PLAAT1: variants seen among roughly 807,000 people sequenced by gnomAD.
PLAAT1 encodes H-REV107 protein-related protein.
Under a neutral mutation model 16.4 loss-of-function variants are expected in PLAAT1, and 13 were observed. The observed-to-expected ratio is 0.79, with a 90% confidence interval of 0.52 to 1.26. The LOEUF (loss-of-function observed/expected upper bound fraction) is 1.26. PLAAT1 is among the 50% of genes most tolerant of loss of function. The probability of loss-of-function intolerance (pLI) is 0.00; values close to 1 mark genes in which losing one functional copy is unlikely to be tolerated. For synonymous variants in PLAAT1, 73 were observed against 78.4 expected (o/e 0.93, Z 0.36); for missense variants, 218 against 207.8 (o/e 1.05, Z -0.30).
chr3:193,262,902 C>T, intron 2 of PLAAT1, 68 bp from the exon 3 acceptor site: 1 of 1,508,668 alleles, frequency 6.6e-7, no homozygotes, highest in East Asian at 2.3e-5. Flanking sequence ...TTTCCAAAGT[C>T]TTTAGATGGC....
chr3:193,263,212 T>C lies in PLAAT1; in HGVS notation c.382T>C (p.Tyr128His), dbSNP rs1268352754. 2 of 1,614,006 alleles carry C rather than the reference T, an allele frequency of 1.2e-6. No individual in the cohort carries two copies. Among genetic ancestry groups the C allele is most frequent in the Non-Finnish European group, 1.7e-6 (2 of 1,179,956 alleles). Residue 128 changes from tyrosine to histidine, a missense_variant, in exon 3 of 4, where the codon TAT becomes CAT. Tyr to His is a moderately conservative substitution (Grantham distance 83). Coordinates refer to ENST00000264735, the MANE Select transcript of PLAAT1 (RefSeq NM_020386.5). Reference protein sequence around the residue: ...NCEHFVTLLRYGEGVSEQANR... With the variant: ...NCEHFVTLLRHGEGVSEQANR... ...TGAACATTTTGTGACATTGCTTCGC[T>C]ATGGAGAAGGAGTTTCAGAGCAGGT... is the stretch of plus-strand genomic sequence containing the variant.
At chr3:193,253,678 A>G (rs1716274738) in intron 1 of PLAAT1, among the ~76,000 whole-genome samples, 1 of 152,148 alleles carries the variant, frequency 6.6e-6, no homozygotes, top group South Asian at 2.1e-4. Flanking sequence ...ACTAACAAGT[A>G]TCAAGTAGAA....
intron 1 of PLAAT1, among the ~76,000 whole-genome samples, chr3:193,253,687 A>C (rs766566988): frequency 3.8e-4 from 58 of 152,104 alleles, no homozygotes; most frequent in Non-Finnish European, 5.9e-4. Context: ...TATCAAGTAG[A>C]AGACTAAGAG....
At chr3:193,275,172 G>T (rs755766325), downstream of PLAAT1, 1 of 1,614,120 alleles carries the variant, frequency 6.2e-7, no homozygotes, top group South Asian at 1.1e-5. Flanking sequence ...TGAATAATCT[G>T]TCCTGTTTAT....
downstream of PLAAT1, among the ~76,000 whole-genome samples, chr3:193,280,007 C>G (rs1281259692): frequency 1.0e-5 from 1 of 96,842 alleles, no homozygotes; most frequent in African/African-American, 4.1e-5. Context: ...AAAAAAAGCC[C>G]TGTGTACCTG....
chr3:193,248,670 T>A (rs1273265886), intron 1 of PLAAT1, among the ~76,000 whole-genome samples: 1 of 152,144 alleles, frequency 6.6e-6, no homozygotes, highest in Non-Finnish European at 1.5e-5. Context: ...TTACTTCACT[T>A]TGATCACTTG....
chr3:193,240,978 G>A (rs901358895), upstream of PLAAT1: 2 of 348,566 alleles, frequency 5.7e-6, no homozygotes, highest in African/African-American at 2.1e-5. Context: ...AACGTTGGCT[G>A]CGGGAACGTC....
At position 193,241,237 on chromosome 3, in the gene PLAAT1, C is replaced by G. The variant is rs1028846733; in HGVS notation, c.-297C>G. The stretch of plus-strand genomic sequence containing the variant: ...GCTCCCCATGGTCAGAGCCTCGTGC[C>G]GGCTCGGCAGCGCCCGGACGCCGAG... On this transcript the variant is annotated 5_prime_UTR_variant, in exon 1 of 4. Coordinates refer to ENST00000264735, the MANE Select transcript of PLAAT1 (RefSeq NM_020386.5). 1.4e-5 allele frequency: 17 copies of G among 1,225,358 alleles called. No homozygotes were observed. In the South Asian group the frequency reaches 4.9e-4, roughly 36 times the overall value. 75.9% of individuals were successfully genotyped at this position (1,225,358 alleles called of 1,614,324 possible). A position where few individuals can be genotyped will look rare whatever the true frequency, so the allele number is the denominator to read the frequency against.
rs568657230 is a variant in PLAAT1 at position 193,265,043 on chromosome 3, T to C, written c.405+1808T>C. ...GGAAGTGAAGAAATTGGAACTCTCT[T>C]GCCCTTCTGGTAGGCATGTAAAATG... On this transcript the variant is annotated intron_variant, in intron 3 of 3. Coordinates refer to ENST00000264735, the MANE Select transcript of PLAAT1 (RefSeq NM_020386.5). Among the ~76,000 whole-genome samples the C allele has an allele frequency of 4.6e-5, 7 of 152,330 alleles. No individual in the cohort carries two copies. The South Asian group carries it at 1.5e-3, about 32-fold the overall frequency.
intron 1 of PLAAT1, among the ~76,000 whole-genome samples, chr3:193,253,150 A>G (rs769171862): frequency 2.0e-5 from 3 of 152,210 alleles, no homozygotes; most frequent in South Asian, 2.1e-4. Context: ...GTCCCTTGCT[A>G]TGATTCTAAG....
chr3:193,242,542 T>C (rs552710047), intron 1 of PLAAT1, among the ~76,000 whole-genome samples: 1 of 152,234 alleles, frequency 6.6e-6, no homozygotes, highest in Admixed American at 6.5e-5. Flanking sequence ...ATGGATAGTT[T>C]GATTTGCCTA....
downstream of PLAAT1, among the ~76,000 whole-genome samples, chr3:193,280,043 G>A (rs1717413811): frequency 7.4e-6 from 1 of 135,542 alleles, no homozygotes; most frequent in African/African-American, 2.7e-5. Context: ...TCCTGTCTTG[G>A]CATGCTCCAA....
At chr3:193,270,168 G>A (rs1268854795) in intron 3 of PLAAT1, among the ~76,000 whole-genome samples, 2 of 152,004 alleles carry the variant, frequency 1.3e-5, no homozygotes, top group Non-Finnish European at 2.9e-5. Flanking sequence ...TAAGGGGCAG[G>A]AGCTGCATAG....
At chr3:193,262,774 C>A (rs1223062207) in intron 2 of PLAAT1, among the ~76,000 whole-genome samples, 196 bp from the exon 3 acceptor site, 4 of 152,174 alleles carry the variant, frequency 2.6e-5, no homozygotes, top group African/African-American at 9.7e-5. Flanking sequence ...TATATTCTCA[C>A]TCATACAATA....
chr3:193,260,495 T>G (rs78895716), intron 2 of PLAAT1, among the ~76,000 whole-genome samples: 1 of 152,056 alleles, frequency 6.6e-6, no homozygotes, highest in Admixed American at 6.6e-5. Context: ...GAATTTAAAT[T>G]AATCAACATG....
At chr3:193,271,505 AATTTTATTCTCTC>A (rs1577314022), downstream of PLAAT1, among the ~76,000 whole-genome samples, 1 of 152,196 alleles carries the variant, frequency 6.6e-6, no homozygotes, top group East Asian at 1.9e-4. Context: ...GGAATGTCAT[AATTTTATTCTCTC>A]ATTTTATTAT....
Position 193,241,453 on chromosome 3 carries a change from G to A in PLAAT1, c.-81G>A. 1 of 1,231,878 alleles carries A rather than the reference G, an allele frequency of 8.1e-7. No individual in the cohort carries two copies. Among genetic ancestry groups the A allele is most frequent in the Admixed American group, 4.2e-5 (1 of 23,724 alleles). The allele number at this position is 1,231,878 out of a possible 1,614,324, so 76.3% of individuals were successfully genotyped here. On this transcript the variant is annotated 5_prime_UTR_variant, in exon 1 of 4. Transcript: ENST00000264735. ...CCCGCGGCCGCCGGCGGCAAGGTCG[G>A]CAGCTGCGAGGCCAAGAGAGACCCC...
At chr3:193,276,225 T>A (rs1717193050) in intron 2 of PLAAT1, among the ~76,000 whole-genome samples, 1 of 152,218 alleles carries the variant, frequency 6.6e-6, no homozygotes, top group African/African-American at 2.4e-5. Flanking sequence ...AAAAGAACTC[T>A]CCTTTTACAA....
chr3:193,267,152 A>G (rs373001509), intron 3 of PLAAT1, among the ~76,000 whole-genome samples: 11 of 152,272 alleles, frequency 7.2e-5, no homozygotes, highest in East Asian at 1.9e-4. Context: ...TCCTTCATCA[A>G]TATGTCACAT....
Sources: gnomAD v4.1 joint callset for allele counts (sites outside exome capture counted in the v4.1 genomes callset) on GRCh38, gnomAD v4.1.1 for gene constraint, MANE v1.5 for transcripts, NCBI Gene and HGNC (gene_info 2026-07-23, HGNC 2026-07-21) for gene names.